Variants in ZNF234 observed in about 807,000 individuals in gnomAD.
ZNF234 encodes zinc finger protein 234.
ZNF234 carries 4 observed loss-of-function variants against 10.3 expected under a neutral mutation model. That is an observed-to-expected ratio of 0.39 (90% CI 0.19 to 0.89). The LOEUF is 0.89. Among genes scored for constraint, ZNF234 ranks in the 40% least tolerant of loss-of-function variants. The pLI, the probability that ZNF234 is intolerant of heterozygous loss-of-function variation, is 0.38. For missense variants in ZNF234, 711 were observed against 836.1 expected (o/e 0.85, Z 1.85); for synonymous variants, 258 against 280.1 (o/e 0.92, Z 0.79).
intron 5 of ZNF234, among the ~76,000 whole-genome samples, chr19:44,152,724 G>A (rs537061156): frequency 6.6e-6 from 1 of 152,282 alleles, no homozygotes; most frequent in Admixed American, 6.5e-5. Flanking sequence ...TTCCTAAGGT[G>A]TCAGATAGTA....
At chr19:44,142,837 T>G (rs1017436795) in intron 2 of ZNF234, among the ~76,000 whole-genome samples, 1 of 152,234 alleles carries the variant, frequency 6.6e-6, no homozygotes, top group African/African-American at 2.4e-5. Flanking sequence ...ATACAAAAAT[T>G]GTAATTACCT....
chr19:44,144,516 C>G, intron 2 of ZNF234, 41 bp from the exon 3 acceptor site: 1 of 885,002 alleles, frequency 1.1e-6, no homozygotes, highest in Non-Finnish European at 1.6e-6. Context: ...GTGGGGACAT[C>G]CCTGGCCACG....
In ZNF234 at chr19:44,144,498, C is replaced by G. The variant is rs1016014449; in HGVS notation, c.-76-59C>G. On this transcript the variant is annotated intron_variant, in intron 2 of 5. Transcript: ENST00000426739. ...TCGTGTGCTAATTCACAGTACACAT[C>G]TGTGTTGGTGGGGACATCCCTGGCC... 1.1e-5 allele frequency: 7 copies of G among 640,846 alleles called. No homozygotes were observed. In the African/African-American group the frequency reaches 1.3e-4, roughly 12 times the overall value. 39.7% of individuals were successfully genotyped at this position (640,846 alleles called of 1,614,324 possible).
At chr19:44,147,528 G>A (rs913687153) in intron 3 of ZNF234, among the ~76,000 whole-genome samples, 1 of 152,124 alleles carries the variant, frequency 6.6e-6, no homozygotes, top group East Asian at 1.9e-4. Context: ...GTGAGCGACT[G>A]TGCATGGCCT....
chr19:44,155,150 A>G (rs1968846347), intron 5 of ZNF234, among the ~76,000 whole-genome samples: 1 of 152,218 alleles, frequency 6.6e-6, no homozygotes, highest in Non-Finnish European at 1.5e-5. Context: ...TTTTAAATCT[A>G]AGTTATATTA....
At chr19:44,142,918 T>C (rs1337921117) in intron 2 of ZNF234, among the ~76,000 whole-genome samples, 1 of 152,234 alleles carries the variant, frequency 6.6e-6, no homozygotes, top group African/African-American at 2.4e-5. Flanking sequence ...TCCATGTTTA[T>C]ATTACTTATA....
At chr19:44,156,029 T>G (rs1968870550) in intron 5 of ZNF234, among the ~76,000 whole-genome samples, 1 of 152,232 alleles carries the variant, frequency 6.6e-6, no homozygotes, top group Non-Finnish European at 1.5e-5. Context: ...GTGTCTCACA[T>G]AGGAGACTTG....
At chr19:44,150,583 C>A in intron 5 of ZNF234, 78 bp downstream of exon 5, 1 of 1,278,414 alleles carries the variant, frequency 7.8e-7, no homozygotes, top group Non-Finnish European at 1.1e-6. Context: ...TTGCTGCCAT[C>A]GGGTCCAAAT....
intron 4 of ZNF234, 53 bp downstream of exon 4, chr19:44,148,950 T>C: frequency 6.4e-7 from 1 of 1,572,718 alleles, no homozygotes; most frequent in Non-Finnish European, 8.6e-7. Flanking sequence ...AGTGATTTTG[T>C]GTCTTCAGGG....
At chr19:44,143,581 C>T (rs1400396966) in intron 2 of ZNF234, among the ~76,000 whole-genome samples, 1 of 151,238 alleles carries the variant, frequency 6.6e-6, no homozygotes, top group East Asian at 1.9e-4. Flanking sequence ...TGCACCCCAG[C>T]CTGGGCAACA....
intron 5 of ZNF234, among the ~76,000 whole-genome samples, chr19:44,152,872 G>C (rs572176731): frequency 1.3e-5 from 2 of 152,142 alleles, no homozygotes; most frequent in South Asian, 4.2e-4. Context: ...GATTTGAGTG[G>C]CAAAAGTGAC....
chr19:44,150,435 T>C lies in ZNF234; in HGVS notation c.165T>C (p.Asp55=), dbSNP rs147334138. 416 of 1,587,792 alleles carry C rather than the reference T, an allele frequency of 2.6e-4. No homozygotes were observed. The African/African-American group carries it at 5.2e-3, about 20-fold the overall frequency. ...TAGGGCATCACCCCTTCAAACATGA[T>C]GTATTCCTTTTAGAAAAGGAAAAAA... ...LSVGHHPFKH[D]VFLLEKEKKL... is the part of the protein sequence containing the mutation. Residue 55 remains aspartate, a synonymous_variant, in exon 5 of 6, where the codon GAT becomes GAC. Coordinates refer to ENST00000426739, the MANE Select transcript of ZNF234 (RefSeq NM_006630.3).
intron 3 of ZNF234, among the ~76,000 whole-genome samples, chr19:44,147,708 T>C (rs1968634210): frequency 6.6e-6 from 1 of 152,064 alleles, no homozygotes; most frequent in Admixed American, 6.6e-5. Flanking sequence ...CAAAATTAGC[T>C]GAGCATGGTG....
chr19:44,144,426 G>A (rs1031286152), intron 2 of ZNF234, 131 bp from the exon 3 acceptor site: 4 of 404,604 alleles, frequency 9.9e-6, no homozygotes, highest in Admixed American at 4.4e-5. Context: ...AGGGCATTTT[G>A]GTTGTGTGCA....
At position 44,157,942 on chromosome 19, in the gene ZNF234, T is replaced by A. The variant is rs568561716; in HGVS notation, c.1926T>A (p.His642Gln). The change falls in exon 6 of 6, where the codon CAT becomes CAA. Residue 642 changes from histidine (H) to glutamine (Q), a missense_variant. By Grantham distance (24) the His-to-Gln change is conservative. Transcript: ENST00000426739. ...GTCGGTCTTCACAATTACAGTATCA[T>A]AGGCGAGTTCACACTGGGGAAAAAC... ...VFSRSSQLQY[H>Q]RRVHTGEKPY... 16 of 1,614,108 alleles carry A rather than the reference T, an allele frequency of 9.9e-6. No homozygotes were observed. The highest frequency in any genetic ancestry group is 1.3e-5 in the Non-Finnish European group (15 of 1,179,972).
intron 5 of ZNF234, among the ~76,000 whole-genome samples, chr19:44,152,056 C>T (rs1021028788): frequency 1.3e-5 from 2 of 152,268 alleles, no homozygotes; most frequent in Admixed American, 6.5e-5. Context: ...AAAAACTCAC[C>T]TACAATCCTC....
intron 2 of ZNF234, among the ~76,000 whole-genome samples, 199 bp downstream of exon 2, chr19:44,142,566 T>C (rs866906909): frequency 6.6e-6 from 1 of 152,172 alleles, no homozygotes; most frequent in Non-Finnish European, 1.5e-5. Context: ...GAAACTTGGG[T>C]TGGAACCTAG....
chr19:44,143,333 G>T (rs1001390350), intron 2 of ZNF234, among the ~76,000 whole-genome samples: 5 of 152,292 alleles, frequency 3.3e-5, no homozygotes, highest in Admixed American at 2.0e-4. Flanking sequence ...TCTCTGGCCG[G>T]GCGCGGTGGC....
At position 44,157,161 on chromosome 19, in the gene ZNF234, T is replaced by C. The variant is rs185938547; in HGVS notation, c.1145T>C (p.Ile382Thr). 3.4e-4 allele frequency: 543 copies of C among 1,614,006 alleles called. No homozygotes were observed. The African/African-American group carries it at 5.7e-3, about 17-fold the overall frequency. The stretch of plus-strand genomic sequence containing the variant: ...TGTAAAGTGTGTGGTAAGGGTTTCA[T>C]TTACAGTTCAAGTTTTCAGGCCCAT... ...YVCKVCGKGF[I>T]YSSSFQAHQG... Residue 382 changes from isoleucine to threonine, a missense_variant, in exon 6 of 6, where the codon ATT (isoleucine) becomes ACT (threonine). Physicochemically the swap from Ile to Thr is moderately conservative, Grantham distance 89 (BLOSUM62 -1). Transcript: ENST00000426739.
Sources: gnomAD v4.1 joint callset for allele counts (sites outside exome capture counted in the v4.1 genomes callset) on GRCh38, gnomAD v4.1.1 for gene constraint, MANE v1.5 for transcripts, NCBI Gene and HGNC (gene_info 2026-07-23, HGNC 2026-07-21) for gene names.